Variants in CSMD1 observed in about 807,000 individuals in gnomAD.
CSMD1 encodes the protein CUB and Sushi multiple domains 1.
In CSMD1, 213 loss-of-function variants were observed where a neutral mutation model predicts 417.5. That is an observed-to-expected ratio of 0.51 (90% CI 0.46 to 0.57). The LOEUF is 0.57. Ranked by LOEUF, CSMD1 falls within the 20% of genes least tolerant of loss-of-function variation. The pLI, the probability that CSMD1 is intolerant of heterozygous loss-of-function variation, is 0.00. For missense variants in CSMD1, 6,923 were observed against 4,529.7 expected (o/e 1.53, Z -15.17); for synonymous variants, 2,862 against 1,736.8 (o/e 1.65, Z -16.11).
At chr8:3,203,319 TCA>T (rs1248440838) in intron 31 of CSMD1, among the ~76,000 whole-genome samples, 3 of 152,100 alleles carry the variant, frequency 2.0e-5, no homozygotes, top group Non-Finnish European at 4.4e-5. Flanking sequence ...TTCTAACCCG[TCA>T]CACACACTGA....
intron 22 of CSMD1, among the ~76,000 whole-genome samples, chr8:3,346,203 G>C (rs542038675): frequency 1.3e-5 from 2 of 151,938 alleles, no homozygotes; most frequent in African/African-American, 4.8e-5. Flanking sequence ...TGAGAAGCAC[G>C]TTTTTTTAAA....
intron 41 of CSMD1, among the ~76,000 whole-genome samples, chr8:3,123,004 C>A (rs1436871301): frequency 1.3e-5 from 2 of 152,180 alleles, no homozygotes; most frequent in African/African-American, 4.8e-5. Flanking sequence ...TATTCAAACC[C>A]CTATGAAACA....
chr8:3,223,948 G>C (rs77891455), intron 27 of CSMD1, 81 bp from the exon 28 acceptor site: 3 of 1,389,812 alleles, frequency 2.2e-6, no homozygotes, highest in East Asian at 2.4e-5. Context: ...AGACACCACA[G>C]AATTCTTTAA....
intron 5 of CSMD1, among the ~76,000 whole-genome samples, chr8:3,863,234 T>C (rs570615654): frequency 1.7e-3 from 256 of 152,042 alleles, no homozygotes; most frequent in Middle Eastern, 3.4e-3. Flanking sequence ...CCATCTCTAC[T>C]GAAAATACAA....
rs549596474 is a variant in CSMD1 at position 4,326,255 on chromosome 8, G to A, written c.415+93698C>T. Among the ~76,000 whole-genome samples, 3 of 152,274 alleles carry A rather than the reference G, an allele frequency of 2.0e-5. No homozygotes were observed. The South Asian group carries it at 6.2e-4, about 32-fold the overall frequency. The stretch of plus-strand genomic sequence containing the variant: ...CATTGGTCTAAGATGACCAAAGACT[G>A]CAGATCATCTTCACATACGGTGGGA... On this transcript the variant is annotated intron_variant, in intron 3 of 69. Coordinates refer to ENST00000635120, the MANE Select transcript of CSMD1 (RefSeq NM_033225.6).
intron 3 of CSMD1, among the ~76,000 whole-genome samples, chr8:4,214,609 A>C (rs1800522175): frequency 6.6e-6 from 1 of 152,060 alleles, no homozygotes; most frequent in South Asian, 2.1e-4. Context: ...ACCTTATTAG[A>C]ATTTTGAACA....
At chr8:4,251,223 C>T (rs1803046229) in intron 3 of CSMD1, among the ~76,000 whole-genome samples, 2 of 152,074 alleles carry the variant, frequency 1.3e-5, no homozygotes, top group Admixed American at 1.3e-4. Context: ...CCTATAACAG[C>T]TAACAATATA....
intron 5 of CSMD1, among the ~76,000 whole-genome samples, chr8:3,927,406 C>G (rs916186025): frequency 6.6e-6 from 1 of 151,978 alleles, no homozygotes; most frequent in Non-Finnish European, 1.5e-5. Flanking sequence ...GTGGCTCCTA[C>G]CTGTGGTCCC....
chr8:4,854,776 C>A (rs1157792180), intron 1 of CSMD1, among the ~76,000 whole-genome samples: 2 of 152,188 alleles, frequency 1.3e-5, no homozygotes, highest in Non-Finnish European at 2.9e-5. Context: ...CCCACAGAGT[C>A]TCGCTGATTG....
intron 8 of CSMD1, among the ~76,000 whole-genome samples, chr8:3,599,591 C>T (rs1351415932): frequency 2.0e-5 from 3 of 152,180 alleles, no homozygotes; most frequent in African/African-American, 4.8e-5. Context: ...AATCACAATA[C>T]AGCATTGTTA....
In CSMD1 at chr8:3,958,955, G is replaced by C. The variant is rs535159392; in HGVS notation, c.818+38948C>G. Among the ~76,000 whole-genome samples, 29 of 152,104 alleles carry C rather than the reference G, an allele frequency of 1.9e-4. 1 individual carries two copies. Among genetic ancestry groups the C allele is most frequent in the South Asian group, 4.1e-4 (2 of 4,822 alleles). ...TCACATTTTTTGAGCCCTGACCTTG[G>C]CTTAGGATCTGTGAGCTCCCGGTCT... On this transcript the variant is annotated intron_variant, in intron 5 of 69. Transcript: ENST00000635120.
intron 3 of CSMD1, among the ~76,000 whole-genome samples, chr8:4,124,080 G>T (rs966026523): frequency 6.6e-6 from 1 of 151,428 alleles, no homozygotes; most frequent in Non-Finnish European, 1.5e-5. Flanking sequence ...TCTACGCACA[G>T]AACAACGAAG....
chr8:4,891,503 G>T (rs540050960), intron 1 of CSMD1, among the ~76,000 whole-genome samples: 4 of 152,126 alleles, frequency 2.6e-5, no homozygotes, highest in Non-Finnish European at 5.9e-5. Flanking sequence ...AAAAGAATTA[G>T]ACAATAGTGT....
chr8:4,621,238 C>A (rs1252271163), intron 2 of CSMD1, among the ~76,000 whole-genome samples: 1 of 152,016 alleles, frequency 6.6e-6, no homozygotes, highest in African/African-American at 2.4e-5. Flanking sequence ...CATTTAATTT[C>A]ATGTACATCT....
At chr8:3,593,211 AC>A (rs1393646387) in intron 8 of CSMD1, among the ~76,000 whole-genome samples, 6 of 152,348 alleles carry the variant, frequency 3.9e-5, no homozygotes, top group Middle Eastern at 3.4e-3. Context: ...TGGGACCAAG[AC>A]CCAAGCTGGG....
Position 3,470,621 on chromosome 8 carries a change from C to G in CSMD1, c.1449-1797G>C, listed in dbSNP as rs538992085. Among the ~76,000 whole-genome samples the G allele has an allele frequency of 4.1e-4, 63 of 152,264 alleles. 2 individuals are homozygous for G. Among genetic ancestry groups the G allele is most frequent in the African/African-American group, 1.5e-3 (62 of 41,548 alleles). On this transcript the variant is annotated intron_variant, in intron 11 of 69. Coordinates refer to ENST00000635120, the MANE Select transcript of CSMD1 (RefSeq NM_033225.6). The stretch of plus-strand genomic sequence containing the variant: ...CCGCCATAGTCAATGCAGGGCAGCT[C>G]CATTCCTTCCAAATTCTCTGGTGCT...
intron 6 of CSMD1, among the ~76,000 whole-genome samples, chr8:3,710,620 T>C (rs889800550): frequency 3.9e-5 from 6 of 152,142 alleles, no homozygotes; most frequent in African/African-American, 1.4e-4. Flanking sequence ...CTGTGTATTC[T>C]GACACACCTG....
rs1801289922 is a variant in CSMD1, at chr8:3,264,427, A to G, written c.4153+19717T>C. ...CTCGCTATGTGCCTTTTTGCCACAC[A>G]AGTGTCAGGAGAATCTTATTTCTGT... On this transcript the variant is annotated intron_variant, in intron 26 of 69. Transcript: ENST00000635120. Among the ~76,000 whole-genome samples, 5 of 152,114 alleles carry G rather than the reference A, an allele frequency of 3.3e-5. No homozygotes were observed. The South Asian group carries it at 8.3e-4, about 25-fold the overall frequency.
intron 10 of CSMD1, among the ~76,000 whole-genome samples, chr8:3,494,100 A>G (rs542744982): frequency 1.3e-5 from 2 of 152,202 alleles, no homozygotes; most frequent in Non-Finnish European, 2.9e-5. Context: ...TTTTTACCAT[A>G]TCCAGAATGC....
Sources: allele counts gnomAD v4.1 joint callset (sites outside exome capture counted in the v4.1 genomes callset), GRCh38; gene constraint gnomAD v4.1.1; transcripts MANE v1.5; gene names NCBI Gene and HGNC (gene_info 2026-07-23, HGNC 2026-07-21).